The following AGMO variants were observed in gnomAD, a reference collection of about 807,000 sequenced individuals.
The protein encoded by AGMO is alkylglycerol monooxygenase.
Under a neutral mutation model 60.2 loss-of-function variants are expected in AGMO, and 75 were observed. The observed-to-expected ratio is 1.25, with a 90% confidence interval of 1.03 to 1.51. The LOEUF (loss-of-function observed/expected upper bound fraction) is 1.51. Among genes scored for constraint, AGMO ranks in the 40% most tolerant of loss-of-function variants. The probability of loss-of-function intolerance (pLI) is 0.00; values close to 1 mark genes in which losing one functional copy is unlikely to be tolerated. For synonymous variants in AGMO, 261 were observed against 177.1 expected, an observed-to-expected ratio of 1.47 and a Z score of -3.76; for missense variants, 763 against 525.5, an observed-to-expected ratio of 1.45 and a Z score of -4.42.
the AGMO span, among the ~76,000 whole-genome samples, chr7:15,151,466 T>C: frequency 6.6e-6 from 1 of 152,162 alleles, no homozygotes; most frequent in Non-Finnish European, 1.5e-5. Context: ...CAATAAACTT[T>C]CAACACTGCT....
chr7:15,511,204 G>T (rs1265267449), intron 3 of AGMO, among the ~76,000 whole-genome samples: 1 of 152,006 alleles, frequency 6.6e-6, no homozygotes, highest in African/African-American at 2.4e-5. Context: ...CTATCACAGG[G>T]CACTCACACA....
At chr7:15,155,380 T>C in the AGMO span, among the ~76,000 whole-genome samples, 256 of 151,244 alleles carry the variant, frequency 1.7e-3, 1 homozygote, top group Admixed American at 5.7e-3. Flanking sequence ...CAGGTTGGTC[T>C]ATTCTATTAT....
chr7:15,395,758 A>T (rs577632880), intron 5 of AGMO, among the ~76,000 whole-genome samples: 11 of 152,330 alleles, frequency 7.2e-5, no homozygotes, highest in African/African-American at 2.4e-4. Context: ...ATAAATCCTC[A>T]CTAATCCAAC....
chr7:15,548,938 G>A (rs1418350505), intron 2 of AGMO, among the ~76,000 whole-genome samples: 3 of 150,784 alleles, frequency 2.0e-5, no homozygotes. Context: ...TACCCTCAAA[G>A]GGAAGCCCAT....
chr7:15,178,793 T>C, the AGMO span, among the ~76,000 whole-genome samples: 1 of 152,134 alleles, frequency 6.6e-6, no homozygotes, highest in African/African-American at 2.4e-5. Flanking sequence ...TACTACAGTC[T>C]GGTAATTTAT....
In AGMO at chr7:15,390,891, A is replaced by C; in HGVS notation, c.691T>G (p.Cys231Gly). 1.2e-6 allele frequency: 2 copies of C among 1,601,130 alleles called. No individual in the cohort carries two copies. Among genetic ancestry groups the C allele is most frequent in the Non-Finnish European group, 1.7e-6 (2 of 1,173,044 alleles). Residue 231 changes from cysteine (C) to glycine (G), a missense_variant, in exon 7 of 13, where the codon TGC becomes GGC. By Grantham distance (159) the Cys-to-Gly change is radical. Coordinates refer to ENST00000342526, the MANE Select transcript of AGMO (RefSeq NM_001004320.2). Reference sequence around the variant, plus strand: ...ACACCAGCATAATTTTTGTCTATGCAATAACGATTTCTGCCTATGAGACAA... The same window carrying C: ...ACACCAGCATAATTTTTGTCTATGCCATAACGATTTCTGCCTATGAGACAA... Reference protein sequence around the residue: ...HRVHHGRNRYCIDKNYAGVLI... With the variant: ...HRVHHGRNRYGIDKNYAGVLI...
the AGMO span, among the ~76,000 whole-genome samples, chr7:15,178,584 C>T: frequency 6.6e-6 from 1 of 151,946 alleles, no homozygotes; most frequent in Non-Finnish European, 1.5e-5. Context: ...CTTCATGCCT[C>T]TTTCCATCTG....
At chr7:15,238,264 T>G (rs974859551) in intron 12 of AGMO, among the ~76,000 whole-genome samples, 1 of 152,036 alleles carries the variant, frequency 6.6e-6, no homozygotes, top group Admixed American at 6.6e-5. Context: ...AAGAAAATAA[T>G]ATTTCCAATT....
At chr7:15,547,489 G>T (rs1162726576) in intron 2 of AGMO, among the ~76,000 whole-genome samples, 1 of 152,114 alleles carries the variant, frequency 6.6e-6, no homozygotes. Flanking sequence ...GCAGGGCAAG[G>T]CATTGCCTCA....
At chr7:15,288,341 AAT>A (rs1421546937) in intron 12 of AGMO, among the ~76,000 whole-genome samples, 1 of 152,214 alleles carries the variant, frequency 6.6e-6, no homozygotes, top group African/African-American at 2.4e-5. Context: ...AAAATTTATA[AAT>A]ATAAGGTATA....
At chr7:15,238,940 G>C (rs1782507543) in intron 12 of AGMO, among the ~76,000 whole-genome samples, 1 of 152,150 alleles carries the variant, frequency 6.6e-6, no homozygotes, top group Admixed American at 6.6e-5. Context: ...GTTTGCATAT[G>C]TAAACTTTTT....
chr7:15,493,190 G>A (rs1431348792), intron 3 of AGMO, among the ~76,000 whole-genome samples: 1 of 151,658 alleles, frequency 6.6e-6, no homozygotes, highest in East Asian at 1.9e-4. Flanking sequence ...TTGCAGACAA[G>A]GTACAAGGAA....
At chr7:15,505,929 T>C (rs1188457003) in intron 3 of AGMO, among the ~76,000 whole-genome samples, 1 of 152,060 alleles carries the variant, frequency 6.6e-6, no homozygotes, top group Non-Finnish European at 1.5e-5. Flanking sequence ...TTCAGTACTT[T>C]AAAATGAAGA....
intron 12 of AGMO, among the ~76,000 whole-genome samples, chr7:15,232,607 G>T (rs1782290564): frequency 6.6e-6 from 1 of 152,002 alleles, no homozygotes; most frequent in African/African-American, 2.4e-5. Context: ...TTATAAATTG[G>T]AATGTCTATG....
intron 10 of AGMO, among the ~76,000 whole-genome samples, chr7:15,383,996 C>A (rs552295607): frequency 1.3e-5 from 2 of 151,874 alleles, no homozygotes; most frequent in Non-Finnish European, 2.9e-5. Flanking sequence ...AGTGCAGTGG[C>A]GCGATCTCGG....
intron 12 of AGMO, among the ~76,000 whole-genome samples, chr7:15,275,791 C>T (rs747436711): frequency 6.6e-6 from 1 of 151,478 alleles, no homozygotes; most frequent in Non-Finnish European, 1.5e-5. Flanking sequence ...TTATATGATG[C>T]TTTTGTCTTT....
At chr7:15,362,221 AAC>A (rs1275072575) in intron 12 of AGMO, among the ~76,000 whole-genome samples, 3 of 152,306 alleles carry the variant, frequency 2.0e-5, no homozygotes, top group Non-Finnish European at 4.4e-5. Context: ...ATATGAAGAA[AAC>A]ACAGATTTGA....
chr7:15,321,473 C>A (rs1012176488), intron 12 of AGMO, among the ~76,000 whole-genome samples: 7 of 152,020 alleles, frequency 4.6e-5, no homozygotes, highest in African/African-American at 1.7e-4. Context: ...AACAGATATA[C>A]CCAAAATTTA....
intron 12 of AGMO, among the ~76,000 whole-genome samples, chr7:15,365,106 G>A (rs966299840): frequency 4.0e-5 from 6 of 151,782 alleles, no homozygotes; most frequent in African/African-American, 1.5e-4. Flanking sequence ...ACTTTTTACA[G>A]GTAATTGACA....
Sources: gnomAD v4.1 joint callset for allele counts (sites outside exome capture counted in the v4.1 genomes callset) on GRCh38, gnomAD v4.1.1 for gene constraint, MANE v1.5 for transcripts, NCBI Gene and HGNC (gene_info 2026-07-23, HGNC 2026-07-21) for gene names.